C1orf105: variants seen among roughly 807,000 people sequenced by gnomAD.
C1orf105 encodes chromosome 1 open reading frame 105.
Under a neutral mutation model 20.8 loss-of-function variants are expected in C1orf105, and 17 were observed. The ratio of observed to expected loss-of-function variants is 0.82; its 90% confidence interval spans 0.56 to 1.23. The LOEUF (loss-of-function observed/expected upper bound fraction) is 1.23, where lower values mean the gene tolerates loss of function less well. C1orf105 is among the 50% of genes most tolerant of loss of function. C1orf105 has a pLI of 0.00. For synonymous variants in C1orf105, 72 were observed against 72.1 expected, an observed-to-expected ratio of 1.00 and a Z score of 0.01; for missense variants, 219 against 213.5, an observed-to-expected ratio of 1.03 and a Z score of -0.16.
chr1:172,442,351 G>T (rs1647403708), intron 1 of C1orf105: 1 of 1,612,994 alleles, frequency 6.2e-7, no homozygotes, highest in Non-Finnish European at 8.5e-7. Context: ...CAGTGAAGAA[G>T]CCAGACCAGT....
intron 3 of C1orf105, among the ~76,000 whole-genome samples, chr1:172,450,652 C>G (rs1648526656): frequency 6.6e-6 from 1 of 152,224 alleles, no homozygotes; most frequent in South Asian, 2.1e-4. Flanking sequence ...TGCCACCTGG[C>G]TGCGTTCCTC....
At chr1:172,453,911 A>G (rs2149183155) in intron 3 of C1orf105, among the ~76,000 whole-genome samples, 1 of 152,318 alleles carries the variant, frequency 6.6e-6, no homozygotes, top group East Asian at 1.9e-4. Context: ...ACAATATATA[A>G]GCATTTCATC....
intron 5 of C1orf105, among the ~76,000 whole-genome samples, chr1:172,463,296 T>TG (rs1320026701): frequency 6.6e-6 from 1 of 152,230 alleles, no homozygotes; most frequent in African/African-American, 2.4e-5. Flanking sequence ...CCCATTTTAA[T>TG]TTTTTCCTCA....
At chr1:172,438,224 G>C (rs1573846491) in intron 1 of C1orf105, among the ~76,000 whole-genome samples, 1 of 152,304 alleles carries the variant, frequency 6.6e-6, no homozygotes, top group East Asian at 1.9e-4. Context: ...GGATCAAAGA[G>C]TAATTTTAAC....
At chr1:172,424,637 C>T (rs1042307799) in intron 1 of C1orf105, among the ~76,000 whole-genome samples, 4 of 152,148 alleles carry the variant, frequency 2.6e-5, no homozygotes, top group African/African-American at 4.8e-5. Context: ...GTGATCTGCC[C>T]ACCTCAGTCT....
intron 3 of C1orf105, chr1:172,453,096 C>T (rs1388504220): frequency 1.3e-6 from 2 of 1,550,846 alleles, no homozygotes. Flanking sequence ...GTCACAGCTG[C>T]CTTCCACGAC....
At chr1:172,442,265 G>A in intron 1 of C1orf105, 1 of 1,613,908 alleles carries the variant, frequency 6.2e-7, no homozygotes, top group South Asian at 1.1e-5. Context: ...GCACTCTTCA[G>A]GTCAGCCCAC....
At chr1:172,440,343 A>C (rs1315663977) in intron 1 of C1orf105, among the ~76,000 whole-genome samples, 2 of 152,220 alleles carry the variant, frequency 1.3e-5, no homozygotes, top group Non-Finnish European at 2.9e-5. Flanking sequence ...ATGTCAGCTT[A>C]AACAACATCT....
chr1:172,451,306 A>C (rs141069321), intron 3 of C1orf105, among the ~76,000 whole-genome samples: 133 of 152,356 alleles, frequency 8.7e-4, no homozygotes, highest in African/African-American at 3.0e-3. Flanking sequence ...CTTCCAGTCT[A>C]ATGAGTCAGA....
intron 1 of C1orf105, among the ~76,000 whole-genome samples, chr1:172,440,893 T>C (rs1315714217): frequency 1.3e-5 from 2 of 152,234 alleles, no homozygotes; most frequent in Non-Finnish European, 2.9e-5. Flanking sequence ...TGCAGCACAA[T>C]AGCAGGTGTC....
intron 6 of C1orf105, 89 bp from the exon 7 acceptor site, chr1:172,468,360 T>A: frequency 9.9e-7 from 1 of 1,008,068 alleles, no homozygotes. Context: ...GTTGAAGAAG[T>A]CTTTGTTGGC....
intron 1 of C1orf105, chr1:172,443,547 G>A (rs775627189): frequency 1.2e-5 from 2 of 167,018 alleles, no homozygotes; most frequent in African/African-American, 2.4e-5. Flanking sequence ...GAGGATCGAA[G>A]AAGATAATCA....
intron 1 of C1orf105, among the ~76,000 whole-genome samples, chr1:172,428,475 A>G (rs2071779802): frequency 6.6e-6 from 1 of 152,172 alleles, no homozygotes; most frequent in South Asian, 2.1e-4. Flanking sequence ...ACTCCACTTC[A>G]GCCACTCCTT....
chr1:172,440,597 A>G (rs1441936771), intron 1 of C1orf105, among the ~76,000 whole-genome samples: 1 of 152,162 alleles, frequency 6.6e-6, no homozygotes, highest in Non-Finnish European at 1.5e-5. Context: ...CCAAATTCAT[A>G]GCCCTCAAAT....
intron 1 of C1orf105, among the ~76,000 whole-genome samples, chr1:172,426,949 T>A (rs2071739344): frequency 6.6e-6 from 1 of 152,204 alleles, no homozygotes; most frequent in Admixed American, 6.5e-5. Flanking sequence ...CATGTAACTG[T>A]ACATGGTCTG....
chr1:172,467,594 TTCTGGTTCTTAGTCCATTAGTG>T (rs1445509359), intron 6 of C1orf105, among the ~76,000 whole-genome samples: 2 of 152,120 alleles, frequency 1.3e-5, no homozygotes, highest in African/African-American at 4.8e-5. Context: ...AATGTCTGGG[TTCTGGTTCTTAGTCCATTAGTG>T]TCTGTGACCT....
At chr1:172,465,719 C>T in intron 6 of C1orf105, 1 of 468,294 alleles carries the variant, frequency 2.1e-6, no homozygotes, top group Admixed American at 2.3e-5. Flanking sequence ...AAGGGAACTG[C>T]ATCTCTATAC....
chr1:172,433,464 A>G (rs971906931), intron 1 of C1orf105, among the ~76,000 whole-genome samples: 1 of 152,226 alleles, frequency 6.6e-6, no homozygotes. Context: ...TTCTTAAACA[A>G]AAGAATTTTC....
At chr1:172,433,928 A>G (rs1193166995) in intron 1 of C1orf105, among the ~76,000 whole-genome samples, 2 of 152,202 alleles carry the variant, frequency 1.3e-5, no homozygotes, top group East Asian at 3.8e-4. Flanking sequence ...GCAAATGGAA[A>G]GCAAAAAAAA....
Sources: allele counts gnomAD v4.1 joint callset (sites outside exome capture counted in the v4.1 genomes callset), GRCh38; gene constraint gnomAD v4.1.1; transcripts MANE v1.5; gene names NCBI Gene and HGNC (gene_info 2026-07-23, HGNC 2026-07-21).